CNTN2: variants seen among roughly 807,000 people sequenced by gnomAD.
CNTN2 encodes contactin 2.
CNTN2 carries 53 observed loss-of-function variants against 117.5 expected under a neutral mutation model. The observed-to-expected ratio is 0.45, with a 90% confidence interval of 0.36 to 0.57. The LOEUF is 0.57. Among genes scored for constraint, CNTN2 ranks in the 20% least tolerant of loss-of-function variants. The probability of loss-of-function intolerance (pLI) is 0.00; values close to 1 mark genes in which losing one functional copy is unlikely to be tolerated. For missense variants in CNTN2, 1,106 were observed against 1,404.3 expected, an observed-to-expected ratio of 0.79 and a Z score of 3.39; for synonymous variants, 530 against 561.7, an observed-to-expected ratio of 0.94 and a Z score of 0.80.
chr1:205,054,970 C>T (rs1050764204), intron 2 of CNTN2, among the ~76,000 whole-genome samples: 6 of 152,078 alleles, frequency 3.9e-5, no homozygotes, highest in African/African-American at 1.4e-4. Flanking sequence ...AAGGGCTGGC[C>T]TCGCCTGGGA....
chr1:205,064,677 T>G lies in CNTN2; in HGVS notation c.1446T>G (p.Asp482Glu). The change falls in exon 12 of 23, where the codon GAT becomes GAG. Residue 482 changes from aspartate to glutamate, a missense_variant. Physicochemically the swap from Asp to Glu is conservative, Grantham distance 45. Transcript: ENST00000331830. ...TLIIRNISRS[D>E]EGKYTCFAEN... Reference sequence around the variant, plus strand: ...TCATAAGAAACATCAGCCGGTCAGATGAAGGCAAATACACCTGCTTTGCTG... The same window carrying G: ...TCATAAGAAACATCAGCCGGTCAGAGGAAGGCAAATACACCTGCTTTGCTG... The G allele has an allele frequency of 6.2e-7, 1 of 1,614,218 alleles. No individual in the cohort carries two copies. The highest frequency in any genetic ancestry group is 8.5e-7 in the Non-Finnish European group (1 of 1,180,022).
chr1:205,067,926 T>A (rs1401902732), intron 16 of CNTN2: 2 of 18,908 alleles, frequency 1.1e-4, no homozygotes, highest in African/African-American at 2.6e-4. Context: ...AGACTCCATC[T>A]CAAAAAAAAA....
Position 205,053,025 on chromosome 1 carries a change from TACGG to T in CNTN2, c.-86-72_-86-69del, listed in dbSNP as rs1222684543. ...GCTCCCCAGGCCGAGGTAAAAGCTTTACGGACCCAGATGTGCCTGGAGCTGGGAG... is the reference window on the plus strand; with the variant it reads ...GCTCCCCAGGCCGAGGTAAAAGCTTTACCCAGATGTGCCTGGAGCTGGGAG... On this transcript the variant is annotated intron_variant, in intron 1 of 22. Coordinates refer to ENST00000331830, the MANE Select transcript of CNTN2 (RefSeq NM_005076.5). 4.2e-5 allele frequency: 20 copies of T among 473,446 alleles called. No homozygotes were observed. In the East Asian group the frequency reaches 6.4e-4, roughly 15 times the overall value. 29.3% of individuals were successfully genotyped at this position (473,446 alleles called of 1,614,324 possible). A position where few individuals can be genotyped will look rare whatever the true frequency, so the allele number is the denominator to read the frequency against.
chr1:205,051,305 G>A (rs2096452349), intron 1 of CNTN2, among the ~76,000 whole-genome samples: 1 of 152,246 alleles, frequency 6.6e-6, no homozygotes, highest in Admixed American at 6.5e-5. Flanking sequence ...CAAGAACAGA[G>A]TGAATTGAAT....
intron 2 of CNTN2, among the ~76,000 whole-genome samples, chr1:205,054,239 C>G (rs1276366984): frequency 1.3e-5 from 2 of 152,248 alleles, no homozygotes; most frequent in East Asian, 1.9e-4. Context: ...CCCCACACCC[C>G]CTGCAAGGCT....
chr1:205,066,899 G>A (rs148642581), intron 15 of CNTN2, among the ~76,000 whole-genome samples: 49 of 127,010 alleles, frequency 3.9e-4, no homozygotes, highest in Admixed American at 7.6e-4. Context: ...GGGCGTAGGC[G>A]TGCACACAGC....
At chr1:205,055,267 G>A (rs1023513111) in intron 2 of CNTN2, among the ~76,000 whole-genome samples, 1 of 152,152 alleles carries the variant, frequency 6.6e-6, no homozygotes, top group South Asian at 2.1e-4. Flanking sequence ...TCCTGCCTCC[G>A]CCTCTCAAAG....
chr1:205,066,134 TC>T, intron 14 of CNTN2: 1 of 636,154 alleles, frequency 1.6e-6, no homozygotes, highest in Non-Finnish European at 2.7e-6. Flanking sequence ...CCTAAACACA[TC>T]CCAAGACAGG....
chr1:205,059,226 C>A lies in CNTN2; in HGVS notation c.630C>A (p.Thr210=), dbSNP rs766941008. 1 of 1,614,230 alleles carries A rather than the reference C, an allele frequency of 6.2e-7. No individual in the cohort carries two copies. Among genetic ancestry groups the A allele is most frequent in the Non-Finnish European group, 8.5e-7 (1 of 1,180,046 alleles). Residue 210 remains threonine, a synonymous_variant, in exon 6 of 23, where the codon ACC becomes ACA. Coordinates refer to ENST00000331830, the MANE Select transcript of CNTN2 (RefSeq NM_005076.5). This position sits in a 1 kb window ranked among gnomAD's most constrained non-coding sequence, Gnocchi z 5.6. ...SDLGNYSCLA[T]SHMDFSTKSV... ...TGGGCAACTACTCCTGTTTGGCCACCAGCCACATGGACTTCTCCACCAAGA... is the reference window on the plus strand; with the variant it reads ...TGGGCAACTACTCCTGTTTGGCCACAAGCCACATGGACTTCTCCACCAAGA...
At chr1:205,062,265 C>G (rs1229430356) in intron 9 of CNTN2, 175 bp from the exon 10 acceptor site, 7 of 955,454 alleles carry the variant, frequency 7.3e-6, no homozygotes, top group Non-Finnish European at 1.1e-5. Flanking sequence ...TTTGGGGAGG[C>G]CTGGGTAATC....
At chr1:205,044,461 G>GT (rs1553341465) in intron 1 of CNTN2, among the ~76,000 whole-genome samples, 3 of 151,574 alleles carry the variant, frequency 2.0e-5, no homozygotes, top group South Asian at 4.2e-4. Flanking sequence ...TGTGTCCTGG[G>GT]GGGGGGGGTC....
In CNTN2 at chr1:205,069,498, G is replaced by A. The variant is rs1654470219; in HGVS notation, c.2133G>A (p.Ser711=). The part of the protein sequence containing the change: ...SKIRTREAAP[S]VAPSGLSGGG... ...TCCCTTGGCCCTTGACAGCCCCCTC[G>A]GTGGCACCCTCAGGACTCAGCGGAG... The change falls in exon 17 of 23, where the codon TCG becomes TCA. Residue 711 remains serine (S), a synonymous_variant. Transcript: ENST00000331830. 4.3e-6 allele frequency: 7 copies of A among 1,614,024 alleles called. No homozygotes were observed. In the East Asian group the frequency reaches 8.9e-5, roughly 21 times the overall value.
intron 1 of CNTN2, among the ~76,000 whole-genome samples, chr1:205,050,682 G>A (rs1574631283): frequency 6.6e-6 from 1 of 152,230 alleles, no homozygotes; most frequent in Admixed American, 6.5e-5. Flanking sequence ...GCAATGGCAT[G>A]ATGTTGGCTC....
chr1:205,059,732 G>T lies in CNTN2; in HGVS notation c.797+50G>T. 1.1e-5 allele frequency: 17 copies of T among 1,497,982 alleles called. No homozygotes were observed. Among genetic ancestry groups the T allele is most frequent in the Non-Finnish European group, 1.4e-5 (15 of 1,076,466 alleles). 92.8% of individuals were successfully genotyped at this position (1,497,982 alleles called of 1,614,324 possible). On this transcript the variant is annotated intron_variant, in intron 7 of 22. Transcript: ENST00000331830. The surrounding 1 kb of genome is among the most constrained non-coding windows in gnomAD (Gnocchi z 5.6). ...CAGAGCACGGTCTCTCGGGGGCACA[G>T]GTGACCCCAGGGTGAGGGCAGGCAG...
chr1:205,059,915 G>C lies in CNTN2; in HGVS notation c.797+233G>C. 1 of 548,166 alleles carries C rather than the reference G, an allele frequency of 1.8e-6. No homozygotes were observed. 34.0% of individuals were successfully genotyped at this position (548,166 alleles called of 1,614,324 possible). ...CAGGATCACTTGGTCTTCCAGCAGT[G>C]CATGGCAGGCTCAGACAGCTTGAGT... On this transcript the variant is annotated intron_variant, in intron 7 of 22. Coordinates refer to ENST00000331830, the MANE Select transcript of CNTN2 (RefSeq NM_005076.5). The surrounding 1 kb of genome is among the most constrained non-coding windows in gnomAD (Gnocchi z 5.6).
chr1:205,048,699 C>T lies in CNTN2; in HGVS notation c.-86-4401C>T, dbSNP rs368784707. On this transcript the variant is annotated intron_variant, in intron 1 of 22. Coordinates refer to ENST00000331830, the MANE Select transcript of CNTN2 (RefSeq NM_005076.5). This position sits in a 1 kb window ranked among gnomAD's most constrained non-coding sequence, Gnocchi z 4.1. Reference sequence around the variant, plus strand: ...CAGATGGTATGGGGAGATGACTGATCGGTGAACTCATGAGCGCATTCTAGG... The same window carrying T: ...CAGATGGTATGGGGAGATGACTGATTGGTGAACTCATGAGCGCATTCTAGG... Among the ~76,000 whole-genome samples, 1 of 152,164 alleles carries T rather than the reference C, an allele frequency of 6.6e-6. No individual in the cohort carries two copies. Among genetic ancestry groups the T allele is most frequent in the Non-Finnish European group, 1.5e-5 (1 of 68,030 alleles).
intron 1 of CNTN2, among the ~76,000 whole-genome samples, chr1:205,051,429 G>A (rs2096452694): frequency 6.6e-6 from 1 of 152,228 alleles, no homozygotes; most frequent in Non-Finnish European, 1.5e-5. Flanking sequence ...AGTGAAGATG[G>A]ATGTGCTGGG....
intron 9 of CNTN2, 23 bp downstream of exon 9, chr1:205,062,024 C>G (rs575930607): frequency 6.2e-7 from 1 of 1,610,020 alleles, no homozygotes; most frequent in Non-Finnish European, 8.5e-7. Context: ...GGGCTTCCCC[C>G]GACACATCAC....
In CNTN2 at chr1:205,066,615, A is replaced by G. The variant is rs909523494; in HGVS notation, c.1975+16A>G. The stretch of plus-strand genomic sequence containing the variant: ...GTTCGGACCAGTAAGTGTGAGCCCC[A>G]CCTGGGTCAGTGCTGATAAGGCTCG... On this transcript the variant is annotated intron_variant, in intron 15 of 22. Transcript: ENST00000331830. 2 of 1,613,080 alleles carry G rather than the reference A, an allele frequency of 1.2e-6. No homozygotes were observed. The highest frequency in any genetic ancestry group is 1.7e-6 in the Non-Finnish European group (2 of 1,179,620).
Sources: allele counts gnomAD v4.1 joint callset (sites outside exome capture counted in the v4.1 genomes callset), GRCh38; gene constraint gnomAD v4.1.1; non-coding constraint Gnocchi (gnomAD v3.1); transcripts MANE v1.5; gene names NCBI Gene and HGNC (gene_info 2026-07-23, HGNC 2026-07-21).